UBQLN1: variants seen among roughly 807,000 people sequenced by gnomAD.
The protein encoded by UBQLN1 is ubiquilin-1.
A neutral mutation model predicts 65.4 loss-of-function variants in UBQLN1; 13 were observed. That is an observed-to-expected ratio of 0.20 (90% CI 0.13 to 0.32). The LOEUF is 0.32. Among genes scored for constraint, UBQLN1 ranks in the 10% least tolerant of loss-of-function variants. The pLI, the probability that UBQLN1 is intolerant of heterozygous loss-of-function variation, is 1.00. For missense variants in UBQLN1, 561 were observed against 724.0 expected, an observed-to-expected ratio of 0.77 and a Z score of 2.58; for synonymous variants, 267 against 247.8, an observed-to-expected ratio of 1.08 and a Z score of -0.73.
intron 6 of UBQLN1, among the ~76,000 whole-genome samples, chr9:83,670,792 T>C (rs370577013): frequency 3.3e-5 from 5 of 152,224 alleles, no homozygotes; most frequent in African/African-American, 9.6e-5. Context: ...ACAAAGTTTA[T>C]GAAACATTCT....
intron 3 of UBQLN1, among the ~76,000 whole-genome samples, chr9:83,680,986 T>C (rs1270479190): frequency 1.3e-5 from 2 of 152,180 alleles, no homozygotes; most frequent in Admixed American, 1.3e-4. Flanking sequence ...AATTGGCTGG[T>C]GTCAGAAAAA....
At chr9:83,672,204 A>G (rs1431905901) in intron 6 of UBQLN1, among the ~76,000 whole-genome samples, 2 of 152,166 alleles carry the variant, frequency 1.3e-5, no homozygotes, top group African/African-American at 4.8e-5. Flanking sequence ...AGATCACTAC[A>G]ATTTTCTCCA....
intron 3 of UBQLN1, among the ~76,000 whole-genome samples, chr9:83,682,241 C>T (rs960229227): frequency 2.0e-4 from 30 of 151,970 alleles, no homozygotes; most frequent in Admixed American, 1.2e-3. Flanking sequence ...GCCTAGATCG[C>T]GCCACTGCAC....
At chr9:83,664,296 G>A (rs1831608169) in intron 9 of UBQLN1, among the ~76,000 whole-genome samples, 1 of 152,150 alleles carries the variant, frequency 6.6e-6, no homozygotes, top group Non-Finnish European at 1.5e-5. Context: ...GTGCACACCT[G>A]TAGTATCAGT....
At chr9:83,697,487 G>A (rs1192048899) in intron 1 of UBQLN1, among the ~76,000 whole-genome samples, 5 of 139,492 alleles carry the variant, frequency 3.6e-5, no homozygotes, top group African/African-American at 1.3e-4. Context: ...AGGGGGCGGA[G>A]GTTGCAGTGA....
At chr9:83,707,250 C>G (rs540659239) in intron 1 of UBQLN1, among the ~76,000 whole-genome samples, 4 of 152,228 alleles carry the variant, frequency 2.6e-5, no homozygotes, top group African/African-American at 9.6e-5. Context: ...TCGGCGGATA[C>G]CAGAGAAGGA....
At chr9:83,701,570 G>A (rs566541911) in intron 1 of UBQLN1, among the ~76,000 whole-genome samples, 83 of 152,158 alleles carry the variant, frequency 5.5e-4, no homozygotes, top group African/African-American at 2.0e-3. Context: ...TCCTCAGAGT[G>A]CCCCCAGCAA....
intron 6 of UBQLN1, 141 bp from the exon 7 acceptor site, chr9:83,669,468 G>T: frequency 5.0e-6 from 4 of 798,798 alleles, no homozygotes; most frequent in South Asian, 2.3e-5. Context: ...AACTACGAAA[G>T]AACTTTAAAA....
At chr9:83,673,580 A>AAAAAAAAAAAAAAAAAAAC (rs1554727531) in intron 6 of UBQLN1, among the ~76,000 whole-genome samples, 3 of 109,562 alleles carry the variant, frequency 2.7e-5, no homozygotes, top group African/African-American at 1.2e-4. Flanking sequence ...AAAAAAAAAA[A>AAAAAAAAAAAAAAAAAAAC]CTGCGCTTAC....
Position 83,707,630 on chromosome 9 carries a change from G to C in UBQLN1, c.50C>G (p.Ala17Gly), listed in dbSNP as rs901831072. ...SGGPPGSQDS[A>G]AGAEGAGAPA... is the part of the protein sequence containing the mutation. ...GGCGCCAGCACCTTCGGCTCCGGCG[G>C]CGCTATCCTGGGAGCCCGGAGGACC... Residue 17 changes from alanine to glycine, a missense_variant, in exon 1 of 11, where the codon GCC becomes GGC. Physicochemically the swap from Ala to Gly is moderately conservative, Grantham distance 60. Transcript: ENST00000376395. 1 of 1,578,936 alleles carries C rather than the reference G, an allele frequency of 6.3e-7. No homozygotes were observed. The highest frequency in any genetic ancestry group is 2.3e-5 in the East Asian group (1 of 43,282).
intron 6 of UBQLN1, among the ~76,000 whole-genome samples, chr9:83,672,794 C>T (rs994667502): frequency 1.3e-5 from 2 of 152,162 alleles, no homozygotes; most frequent in African/African-American, 4.8e-5. Flanking sequence ...CACTGCAAAC[C>T]TTCAAACTGT....
chr9:83,691,125 G>A (rs999996902), intron 1 of UBQLN1, among the ~76,000 whole-genome samples: 1 of 151,548 alleles, frequency 6.6e-6, no homozygotes, highest in Non-Finnish European at 1.5e-5. Flanking sequence ...GTGACAGAGA[G>A]GCACTCGTCT....
intron 6 of UBQLN1, among the ~76,000 whole-genome samples, chr9:83,675,067 G>A (rs1400364794): frequency 1.3e-5 from 2 of 152,172 alleles, no homozygotes; most frequent in Admixed American, 1.3e-4. Flanking sequence ...TACTGAACCA[G>A]GAGTATCAAT....
At chr9:83,700,281 G>A (rs988110559) in intron 1 of UBQLN1, among the ~76,000 whole-genome samples, 2 of 152,320 alleles carry the variant, frequency 1.3e-5, no homozygotes, top group Non-Finnish European at 2.9e-5. Flanking sequence ...TGCCTGGAGA[G>A]TGGTGACCTG....
chr9:83,687,255 A>G (rs1444999433), intron 1 of UBQLN1, among the ~76,000 whole-genome samples: 2 of 152,246 alleles, frequency 1.3e-5, no homozygotes, highest in African/African-American at 2.4e-5. Context: ...AAGGCTTTCC[A>G]GGGACCAGAC....
chr9:83,705,470 G>C (rs1039620914), intron 1 of UBQLN1, among the ~76,000 whole-genome samples: 1 of 152,090 alleles, frequency 6.6e-6, no homozygotes, highest in South Asian at 2.1e-4. Context: ...GGCTGGTCTC[G>C]AACCTCAGGC....
chr9:83,683,127 C>T, intron 2 of UBQLN1, 61 bp from the exon 3 acceptor site: 1 of 1,270,254 alleles, frequency 7.9e-7, no homozygotes, highest in Admixed American at 1.8e-5. Context: ...AAAGAACCAC[C>T]AAAGGCCAGG....
chr9:83,682,907 G>A, intron 3 of UBQLN1, 44 bp downstream of exon 3: 3 of 1,066,382 alleles, frequency 2.8e-6, no homozygotes, highest in Non-Finnish European at 4.1e-6. Context: ...GAAGGGAAAG[G>A]AGTATTTTTT....
intron 1 of UBQLN1, among the ~76,000 whole-genome samples, chr9:83,694,555 C>G: frequency 6.6e-6 from 1 of 152,140 alleles, no homozygotes; most frequent in East Asian, 1.9e-4. Flanking sequence ...AAGGGGCACT[C>G]TCTCATAAAA....
Sources: gnomAD v4.1 joint callset for allele counts (sites outside exome capture counted in the v4.1 genomes callset) on GRCh38, gnomAD v4.1.1 for gene constraint, MANE v1.5 for transcripts, NCBI Gene and HGNC (gene_info 2026-07-23, HGNC 2026-07-21) for gene names.